The following ARB2A variants were observed in gnomAD, a reference collection of about 807,000 sequenced individuals.
The protein encoded by ARB2A is ARB2 cotranscriptional regulator A.
At chr5:94,061,293 G>A in the ARB2A span, among the ~76,000 whole-genome samples, 3 of 152,026 alleles carry the variant, frequency 2.0e-5, no homozygotes, top group Non-Finnish European at 4.4e-5. Flanking sequence ...AGCAAGCATC[G>A]AATAAAAGGG....
the ARB2A span, among the ~76,000 whole-genome samples, chr5:93,883,848 TCTC>T: frequency 6.7e-6 from 1 of 149,616 alleles, no homozygotes; most frequent in African/African-American, 2.5e-5. Context: ...GAGTAAGTGG[TCTC>T]CTGTCATGTT....
At chr5:93,830,312 T>TGTATGTGTGTGG in the ARB2A span, among the ~76,000 whole-genome samples, 2 of 43,276 alleles carry the variant, frequency 4.6e-5, no homozygotes, top group Non-Finnish European at 8.4e-5. Context: ...TGTGTGTGTG[T>TGTATGTGTGTGG]ATATATATAT....
chr5:93,630,077 A>G, the ARB2A span, among the ~76,000 whole-genome samples: 1 of 152,224 alleles, frequency 6.6e-6, no homozygotes, highest in Non-Finnish European at 1.5e-5. Context: ...AACACTGAAA[A>G]ATAATGTGCC....
At chr5:94,029,238 C>T in the ARB2A span, among the ~76,000 whole-genome samples, 7 of 152,130 alleles carry the variant, frequency 4.6e-5, no homozygotes, top group African/African-American at 7.2e-5. Context: ...GTGATTCACC[C>T]GCCTCAGCCT....
chr5:93,895,841 A>G, the ARB2A span, among the ~76,000 whole-genome samples: 1 of 152,000 alleles, frequency 6.6e-6, no homozygotes, highest in Non-Finnish European at 1.5e-5. Context: ...ACAATATATA[A>G]TCATAAAATT....
the ARB2A span, among the ~76,000 whole-genome samples, chr5:93,871,467 C>T: frequency 6.6e-6 from 1 of 152,052 alleles, no homozygotes; most frequent in Non-Finnish European, 1.5e-5. Flanking sequence ...GGTATAGCAT[C>T]AAAGAAGAAT....
At chr5:93,695,696 A>G in the ARB2A span, among the ~76,000 whole-genome samples, 7 of 152,222 alleles carry the variant, frequency 4.6e-5, no homozygotes, top group Non-Finnish European at 8.8e-5. Context: ...TATATACCCA[A>G]AGGATTATAA....
the ARB2A span, chr5:93,683,758 G>A: frequency 1.0e-5 from 16 of 1,572,818 alleles, no homozygotes; most frequent in African/African-American, 1.3e-5. Flanking sequence ...AAGGCGGACG[G>A]AGATAAAACA....
At chr5:93,841,212 G>A in the ARB2A span, among the ~76,000 whole-genome samples, 5 of 152,000 alleles carry the variant, frequency 3.3e-5, no homozygotes, top group Admixed American at 2.6e-4. Flanking sequence ...CTTATCTGTC[G>A]GTTCTGCATT....
the ARB2A span, among the ~76,000 whole-genome samples, chr5:94,104,977 C>T: frequency 6.6e-6 from 1 of 151,836 alleles, no homozygotes; most frequent in Non-Finnish European, 1.5e-5. Flanking sequence ...ACAAACTAGA[C>T]ATTGAAGGAA....
the ARB2A span, among the ~76,000 whole-genome samples, chr5:93,911,528 T>C: frequency 3.3e-5 from 5 of 151,646 alleles, no homozygotes; most frequent in African/African-American, 9.7e-5. Context: ...ATCATTTCAA[T>C]GCTTAGTGCA....
the ARB2A span, among the ~76,000 whole-genome samples, chr5:94,025,771 G>A: frequency 6.6e-6 from 1 of 152,202 alleles, no homozygotes; most frequent in Admixed American, 6.5e-5. Context: ...ATAATGATAT[G>A]GGATTTTTCT....
chr5:93,812,391 T>C, the ARB2A span, among the ~76,000 whole-genome samples: 2 of 152,142 alleles, frequency 1.3e-5, no homozygotes, highest in African/African-American at 2.4e-5. Context: ...CATCATTTGA[T>C]GGAGAAAGTC....
chr5:94,005,094 G>C, the ARB2A span, among the ~76,000 whole-genome samples: 1 of 138,992 alleles, frequency 7.2e-6, no homozygotes, highest in Non-Finnish European at 1.5e-5. Context: ...AAAGAGACAT[G>C]TTCACAGTAT....
chr5:93,845,107 G>A, the ARB2A span, among the ~76,000 whole-genome samples: 1 of 152,140 alleles, frequency 6.6e-6, no homozygotes, highest in Non-Finnish European at 1.5e-5. Flanking sequence ...AAACTACATT[G>A]TCCACTGATA....
the ARB2A span, among the ~76,000 whole-genome samples, chr5:94,005,594 T>A: frequency 7.2e-5 from 11 of 152,148 alleles, no homozygotes; most frequent in Non-Finnish European, 1.6e-4. Context: ...AGCACGCAAA[T>A]TTGCAAAATA....
chr5:93,649,071 TA>T, the ARB2A span, among the ~76,000 whole-genome samples: 2 of 152,310 alleles, frequency 1.3e-5, no homozygotes, highest in African/African-American at 4.8e-5. Flanking sequence ...CCAATAATCC[TA>T]CTGTTCAGAA....
At chr5:93,866,494 A>G in the ARB2A span, among the ~76,000 whole-genome samples, 1 of 152,184 alleles carries the variant, frequency 6.6e-6, no homozygotes, top group Non-Finnish European at 1.5e-5. Context: ...AAAGGCCAGA[A>G]GAGAGGCCAC....
the ARB2A span, among the ~76,000 whole-genome samples, chr5:93,722,418 G>T: frequency 6.6e-5 from 10 of 151,852 alleles, no homozygotes; most frequent in African/African-American, 2.2e-4. Flanking sequence ...AATCTATAAC[G>T]TATATCATAA....
Sources: allele counts gnomAD v4.1 joint callset (sites outside exome capture counted in the v4.1 genomes callset), GRCh38; gene constraint gnomAD v4.1.1; transcripts MANE v1.5; gene names NCBI Gene and HGNC (gene_info 2026-07-23, HGNC 2026-07-21).